Variants in MED25 observed in about 807,000 individuals in gnomAD.
The protein encoded by MED25 is mediator complex subunit 25.
MED25 carries 62 observed loss-of-function variants against 89.4 expected under a neutral mutation model. The ratio of observed to expected loss-of-function variants is 0.69; its 90% CI spans 0.57 to 0.86. The LOEUF (loss-of-function observed/expected upper bound fraction) is 0.86, where lower values mean the gene tolerates loss of function less well. Ranked by LOEUF, MED25 falls within the 40% of genes least tolerant of loss-of-function variation. The pLI, the probability that MED25 is intolerant of heterozygous loss-of-function variation, is 0.00. For synonymous variants in MED25, 449 were observed against 427.9 expected (o/e 1.05, Z -0.61); for missense variants, 905 against 1,005.2 (o/e 0.90, Z 1.35).
In MED25 at chr19:49,835,862, C is replaced by T. The variant is rs2074093651; in HGVS notation, c.1882C>T (p.Pro628Ser). The change falls in exon 16 of 18, where the codon CCA (proline) becomes TCA (serine). Residue 628 changes from proline (P) to serine (S), a missense_variant. Pro to Ser is a moderately conservative substitution (Grantham distance 74). Coordinates refer to ENST00000312865, the MANE Select transcript of MED25 (RefSeq NM_030973.4). This position sits in a 1 kb window ranked among gnomAD's most constrained non-coding sequence, Gnocchi z 6.2. The stretch of plus-strand genomic sequence containing the variant: ...AGGCCCTCCTGGAGCAGCTTCTGGC[C>T]CACCCCCTCCTGGACCCATCCTTCG... ...PQGPPGAASG[P>S]PPPGPILRPQ... 5 of 1,612,624 alleles carry T rather than the reference C, an allele frequency of 3.1e-6. No individual in the cohort carries two copies. Among genetic ancestry groups the T allele is most frequent in the Non-Finnish European group, 4.2e-6 (5 of 1,179,832 alleles).
chr19:49,821,559 G>A (rs1316717183), intron 3 of MED25, among the ~76,000 whole-genome samples: 1 of 152,068 alleles, frequency 6.6e-6, no homozygotes, highest in South Asian at 2.1e-4. Flanking sequence ...CTGAGGTCAG[G>A]AGTTCGAGAC....
At chr19:49,823,659 G>A (rs2073997986) in intron 3 of MED25, among the ~76,000 whole-genome samples, 1 of 152,180 alleles carries the variant, frequency 6.6e-6, no homozygotes, top group Non-Finnish European at 1.5e-5. Flanking sequence ...TTCTGCAGCA[G>A]GTGTTTGTTG....
At position 49,831,581 on chromosome 19, in the gene MED25, C is replaced by T. The variant is rs373882403; in HGVS notation, c.1230+120C>T. On this transcript the variant is annotated intron_variant, in intron 10 of 17. Coordinates refer to ENST00000312865, the MANE Select transcript of MED25 (RefSeq NM_030973.4). This position sits in a 1 kb window ranked among gnomAD's most constrained non-coding sequence, Gnocchi z 5.0. ...GTGCTGGGTTTGGAGGCATTCGTTG[C>T]GCTGGACCTGTGGGATGCGGGGCGA... 6.2e-4 allele frequency: 799 copies of T among 1,298,548 alleles called. 11 individuals are homozygous for T. In the South Asian group the frequency reaches 0.01, roughly 17 times the overall value. The allele number at this position is 1,298,548 out of a possible 1,614,324, so 80.4% of individuals were successfully genotyped here.
intron 3 of MED25, chr19:49,819,863 C>G (rs966174114): frequency 5.6e-6 from 1 of 177,832 alleles, no homozygotes. Flanking sequence ...CTTGCTCTGT[C>G]TCCCAGGCTT....
chr19:49,831,141 C>T lies in MED25; in HGVS notation c.1102-192C>T, dbSNP rs185419386. Among the ~76,000 whole-genome samples the T allele has an allele frequency of 1.2e-4, 19 of 152,256 alleles. No homozygotes were observed. Among genetic ancestry groups the T allele is most frequent in the Admixed American group, 1.1e-3 (17 of 15,290 alleles). On this transcript the variant is annotated intron_variant, in intron 9 of 17. Transcript: ENST00000312865. This position sits in a 1 kb window ranked among gnomAD's most constrained non-coding sequence, Gnocchi z 5.0. ...CCCTGGGTCTGGGAGTCCAGGGCAT[C>T]GCACAGCTTACGAGTCCTCGAATCC...
At chr19:49,836,980 C>A (rs1421471101), downstream of MED25, 20 of 1,517,152 alleles carry the variant, frequency 1.3e-5, no homozygotes, top group Non-Finnish European at 1.8e-5. The surrounding 1 kb of genome is among the most constrained non-coding windows in gnomAD (Gnocchi z 5.1). Flanking sequence ...TTTTAACACA[C>A]GCCCCGGCTC....
At chr19:49,824,584 C>T (rs953047279) in intron 3 of MED25, among the ~76,000 whole-genome samples, 1 of 130,286 alleles carries the variant, frequency 7.7e-6, no homozygotes, top group African/African-American at 2.9e-5. Flanking sequence ...GACCCTGTCT[C>T]GGGAAAAAAA....
intron 3 of MED25, among the ~76,000 whole-genome samples, chr19:49,826,296 T>G (rs2074014967): frequency 6.6e-6 from 1 of 152,186 alleles, no homozygotes; most frequent in South Asian, 2.1e-4. Flanking sequence ...AGCGGAGATG[T>G]GCCTCTGCCC....
At position 49,828,366 on chromosome 19, in the gene MED25, A is replaced by T. The variant is rs916492058; in HGVS notation, c.306-83A>T. 4 of 925,662 alleles carry T rather than the reference A, an allele frequency of 4.3e-6. No homozygotes were observed. The African/African-American group carries it at 6.5e-5, about 15-fold the overall frequency. The allele number at this position is 925,662 out of a possible 1,614,324, so 57.3% of individuals were successfully genotyped here. A position where few individuals can be genotyped will look rare whatever the true frequency, so the allele number is the denominator to read the frequency against. ...TGCATAGCCCAGGATAGAGTGGGGG[A>T]CAGCATGGGAGCAGGCTCTTCAAGC... On this transcript the variant is annotated intron_variant, in intron 3 of 17. Coordinates refer to ENST00000312865, the MANE Select transcript of MED25 (RefSeq NM_030973.4).
rs1036309383 is a variant in MED25 at position 49,831,806 on chromosome 19, G to T, written c.1231-130G>T. 9.4e-6 allele frequency: 8 copies of T among 850,776 alleles called. No homozygotes were observed. In the African/African-American group the frequency reaches 1.3e-4, roughly 14 times the overall value. 52.7% of individuals were successfully genotyped at this position (850,776 alleles called of 1,614,324 possible). ...CTGAAGGCTTGCTGGTCTGGAGGAG[G>T]GGCCTGGGGCTCATGGGACTTAAAC... On this transcript the variant is annotated intron_variant, in intron 10 of 17. Coordinates refer to ENST00000312865, the MANE Select transcript of MED25 (RefSeq NM_030973.4). The surrounding 1 kb of genome is among the most constrained non-coding windows in gnomAD (Gnocchi z 5.0).
chr19:49,840,004 T>C (rs1227661671), downstream of MED25: 1 of 152,240 alleles, frequency 6.6e-6, no homozygotes, highest in Non-Finnish European at 1.5e-5. Context: ...TCTACAACTA[T>C]CTCCAGTAGT....
At chr19:49,837,681 G>A (rs1259052682), downstream of MED25, among the ~76,000 whole-genome samples, 1 of 152,168 alleles carries the variant, frequency 6.6e-6, no homozygotes, top group African/African-American at 2.4e-5. Context: ...GATGGTAGGT[G>A]GTGGGGCTCC....
chr19:49,828,848 T>C, intron 4 of MED25, 122 bp from the exon 5 acceptor site: 1 of 1,532,450 alleles, frequency 6.5e-7, no homozygotes. Context: ...AGCTGTAAAG[T>C]AGGGGCGTTG....
Position 49,830,269 on chromosome 19 carries a change from T to C in MED25, c.819+51T>C, listed in dbSNP as rs2074045637. On this transcript the variant is annotated intron_variant, in intron 7 of 17. Coordinates refer to ENST00000312865, the MANE Select transcript of MED25 (RefSeq NM_030973.4). This position sits in a 1 kb window ranked among gnomAD's most constrained non-coding sequence, Gnocchi z 4.6. ...TGCTTCTGGGGACTTGCTGGAGCCC[T>C]GGCCCCTGGGGAGAAATCTAGTTGC... 6.3e-7 allele frequency: 1 copy of C among 1,582,674 alleles called. No homozygotes were observed. Among genetic ancestry groups the C allele is most frequent in the Non-Finnish European group, 8.6e-7 (1 of 1,159,618 alleles).
chr19:49,832,275 C>G (rs1372324078), intron 12 of MED25, 33 bp from the exon 13 acceptor site: 1 of 1,545,972 alleles, frequency 6.5e-7, no homozygotes. Flanking sequence ...TTGCCCACAC[C>G]AGCATGCCAG....
chr19:49,820,530 A>G (rs1014400419), intron 3 of MED25, among the ~76,000 whole-genome samples: 1 of 152,254 alleles, frequency 6.6e-6, no homozygotes, highest in African/African-American at 2.4e-5. Context: ...ACTTGAAGTC[A>G]TGAGTTACAG....
At position 49,830,316 on chromosome 19, in the gene MED25, T is replaced by G; in HGVS notation, c.819+98T>G. ...TTGCATGTTGGAGCTTGTGGGATGA[T>G]GGGAGTCCCATGGGACATTGGGAAG... On this transcript the variant is annotated intron_variant, in intron 7 of 17. Coordinates refer to ENST00000312865, the MANE Select transcript of MED25 (RefSeq NM_030973.4). The surrounding 1 kb of genome is among the most constrained non-coding windows in gnomAD (Gnocchi z 4.6). 7.6e-7 allele frequency: 1 copy of G among 1,316,042 alleles called. No individual in the cohort carries two copies. The highest frequency in any genetic ancestry group is 1.1e-6 in the Non-Finnish European group (1 of 936,108). 81.5% of individuals were successfully genotyped at this position (1,316,042 alleles called of 1,614,324 possible). A position where few individuals can be genotyped will look rare whatever the true frequency, so the allele number is the denominator to read the frequency against.
chr19:49,825,155 G>A (rs187689142), intron 3 of MED25, among the ~76,000 whole-genome samples: 155 of 152,232 alleles, frequency 1.0e-3, no homozygotes, highest in African/African-American at 3.3e-3. Context: ...TGAGCTTGTA[G>A]CACATGACTT....
rs751689638 is a variant in MED25, at chr19:49,819,142, G to C, written c.181-30G>C. 3.7e-6 allele frequency: 6 copies of C among 1,613,754 alleles called. No individual in the cohort carries two copies. The African/African-American group carries it at 8.0e-5, about 22-fold the overall frequency. ...AAGGGAAAAGGGAATTGAGGTCCCA[G>C]ATTAAAAGTTTTCTGTCCTCCCCTC... is the stretch of plus-strand genomic sequence containing the variant. On this transcript the variant is annotated intron_variant, in intron 2 of 17. Coordinates refer to ENST00000312865, the MANE Select transcript of MED25 (RefSeq NM_030973.4).
Sources: gnomAD v4.1 joint callset for allele counts (sites outside exome capture counted in the v4.1 genomes callset) on GRCh38, gnomAD v4.1.1 for gene constraint, Gnocchi (gnomAD v3.1) non-coding constraint, MANE v1.5 for transcripts, NCBI Gene and HGNC (gene_info 2026-07-23, HGNC 2026-07-21) for gene names.